The following SOX15 variants were observed in gnomAD, a reference collection of about 807,000 sequenced individuals.
SOX15 encodes transcription factor SOX-15.
Under a neutral mutation model 15.9 loss-of-function variants are expected in SOX15, and 12 were observed. That is an observed-to-expected ratio of 0.75 (90% CI 0.48 to 1.22). SOX15 has a LOEUF of 1.22. Among genes scored for constraint, SOX15 ranks in the 50% most tolerant of loss-of-function variants. The pLI, the probability that SOX15 is intolerant of heterozygous loss-of-function variation, is 0.00. For missense variants in SOX15, 309 were observed against 313.9 expected, an observed-to-expected ratio of 0.98 and a Z score of 0.12; for synonymous variants, 149 against 142.8, an observed-to-expected ratio of 1.04 and a Z score of -0.31.
intron 1 of SOX15, chr17:7,588,892 C>T (rs1232176421): frequency 5.1e-6 from 3 of 589,060 alleles, no homozygotes; most frequent in African/African-American, 1.9e-5. Flanking sequence ...AGGACACAGT[C>T]GCATCCAGGG....
chr17:7,589,046 G>A, intron 1 of SOX15, 98 bp downstream of exon 1: 1 of 1,201,232 alleles, frequency 8.3e-7, no homozygotes, highest in Non-Finnish European at 1.1e-6. Flanking sequence ...AGTGGCCTCT[G>A]CTTGGGTGGG....
Position 7,589,346 on chromosome 17 carries a change from G to C in SOX15, c.331C>G (p.Arg111Gly). The change falls in exon 1 of 2, where the codon CGC becomes GGC. Residue 111 changes from arginine to glycine, a missense_variant. Transcript: ENST00000250055. The stretch of plus-strand genomic sequence containing the variant: ...CGGTACTTGTAGTCGGGGTAGTCGC[G>C]CAGGTGTCGGGCGCGGAGCCGCTTG... Reference protein sequence around the residue: ...EAKRLRARHLRDYPDYKYRPR... With the variant: ...EAKRLRARHLGDYPDYKYRPR... 6.2e-7 allele frequency: 1 copy of C among 1,608,888 alleles called. No individual in the cohort carries two copies. Among genetic ancestry groups the C allele is most frequent in the Non-Finnish European group, 8.5e-7 (1 of 1,177,456 alleles).
rs746823220 is a variant in SOX15, at chr17:7,588,296, G to T, written c.*82C>A. 1.4e-6 allele frequency: 2 copies of T among 1,391,974 alleles called. No individual in the cohort carries two copies. The highest frequency in any genetic ancestry group is 1.2e-5 in the South Asian group (1 of 86,702). The allele number at this position is 1,391,974 out of a possible 1,614,324, so 86.2% of individuals were successfully genotyped here. ...TGAACTGTAGTCCAACAGGAGAAAGGGTTGACAGCCTGGGGTAGGGGATGC... is the reference window on the plus strand; with the variant it reads ...TGAACTGTAGTCCAACAGGAGAAAGTGTTGACAGCCTGGGGTAGGGGATGC... On this transcript the variant is annotated 3_prime_UTR_variant, in exon 2 of 2. Coordinates refer to ENST00000250055, the MANE Select transcript of SOX15 (RefSeq NM_006942.2).
At chr17:7,588,666 G>T (rs546889870) in intron 1 of SOX15, 120 bp from the exon 2 acceptor site, 2 of 1,104,672 alleles carry the variant, frequency 1.8e-6, no homozygotes, top group Admixed American at 1.9e-5. Context: ...AGCCCGCTGG[G>T]CGCAGCAGGC....
chr17:7,589,682 G>A lies in SOX15; in HGVS notation c.-6C>T. 3.9e-6 allele frequency: 6 copies of A among 1,531,842 alleles called. No individual in the cohort carries two copies. The highest frequency in any genetic ancestry group is 5.2e-6 in the Non-Finnish European group (6 of 1,144,480). 94.9% of individuals were successfully genotyped at this position (1,531,842 alleles called of 1,614,324 possible). A position where few individuals can be genotyped will look rare whatever the true frequency, so the allele number is the denominator to read the frequency against. ...GAGGAGCCTGGTAGCGCCATGGGTT[G>A]GGAGAAGCCTTAAGAGGGCGTCCTG... is the stretch of plus-strand genomic sequence containing the variant. On this transcript the variant is annotated 5_prime_UTR_variant, in exon 1 of 2. Transcript: ENST00000250055.
rs141177956 is a variant in SOX15 at position 7,588,506 on chromosome 17, G to A, written c.574C>T (p.Leu192Phe). The A allele has an allele frequency of 9.4e-5, 151 of 1,613,688 alleles. No homozygotes were observed. The highest frequency in any genetic ancestry group is 1.2e-4 in the Non-Finnish European group (139 of 1,179,984). The change falls in exon 2 of 2, where the codon CTC (leucine) becomes TTC (phenylalanine). Residue 192 changes from leucine to phenylalanine, a missense_variant. Coordinates refer to ENST00000250055, the MANE Select transcript of SOX15 (RefSeq NM_006942.2). ...TGGAGCCTAGGGTCACTCTGAGGGA[G>A]GGAGCACGGTGAGGGGGCTTCCAGT... ...CKLEAPSPCS[L>F]PQSDPRLQGE...
At position 7,589,525 on chromosome 17, in the gene SOX15, C is replaced by T; in HGVS notation, c.152G>A (p.Arg51Gln). ...CCACACCATGAACGCGTTCATCGGC[C>T]GCTTCACCTTCTCCAGGGGCAGCGT... ...PGTLPLEKVK[R>Q]PMNAFMVWSS... The change falls in exon 1 of 2, where the codon CGG becomes CAG. Residue 51 changes from arginine to glutamine, a missense_variant. Coordinates refer to ENST00000250055, the MANE Select transcript of SOX15 (RefSeq NM_006942.2). 3 of 1,611,312 alleles carry T rather than the reference C, an allele frequency of 1.9e-6. No individual in the cohort carries two copies. The highest frequency in any genetic ancestry group is 2.5e-6 in the Non-Finnish European group (3 of 1,179,194).
In SOX15 at chr17:7,589,672, G is replaced by A. The variant is rs770904974; in HGVS notation, c.5C>T (p.Ala2Val). Reference protein sequence around the residue: MALPGSSQDQAW... With the variant: MVLPGSSQDQAW... ...CTGGTCCTGTGAGGAGCCTGGTAGC[G>A]CCATGGGTTGGGAGAAGCCTTAAGA... The change falls in exon 1 of 2, where the codon GCG becomes GTG. Residue 2 changes from alanine to valine, a missense_variant. Ala to Val is a moderately conservative substitution (Grantham distance 64). Coordinates refer to ENST00000250055, the MANE Select transcript of SOX15 (RefSeq NM_006942.2). 3.3e-6 allele frequency: 5 copies of A among 1,538,128 alleles called. No homozygotes were observed. In the Admixed American group the frequency reaches 6.0e-5, roughly 19 times the overall value.
In SOX15 at chr17:7,589,579, T is replaced by G; in HGVS notation, c.98A>C (p.Glu33Ala). The change falls in exon 1 of 2, where the codon GAG becomes GCG. Residue 33 changes from glutamate (E) to alanine (A), a missense_variant. Physicochemically the swap from Glu to Ala is moderately radical, Grantham distance 107 (BLOSUM62 -1). Transcript: ENST00000250055. ...GGGGGCCGCGGGGCTCCCAGCGCCC[T>G]CCCGCTCCTGGGGTCCCGAAGATGA... ...ASSSSGPQER[E>A]GAGSPAAPGT... 6.3e-7 allele frequency: 1 copy of G among 1,580,298 alleles called. No individual in the cohort carries two copies. Among genetic ancestry groups the G allele is most frequent in the Non-Finnish European group, 8.6e-7 (1 of 1,165,632 alleles).
intron 1 of SOX15, chr17:7,588,916 C>G (rs1040684939): frequency 3.4e-6 from 2 of 589,590 alleles, no homozygotes; most frequent in Non-Finnish European, 6.0e-6. Flanking sequence ...AGTCACCTGA[C>G]CCTACAGGGC....
At chr17:7,589,122 G>A in intron 1 of SOX15, 22 bp downstream of exon 1, 1 of 1,455,636 alleles carries the variant, frequency 6.9e-7, no homozygotes, top group Non-Finnish European at 9.1e-7. Flanking sequence ...CTCCGTCTTC[G>A]GCCCGCTTCC....
intron 1 of SOX15, 145 bp downstream of exon 1, chr17:7,588,996 CCGG>C: frequency 1.5e-6 from 1 of 689,562 alleles, no homozygotes; most frequent in Non-Finnish European, 2.4e-6. Context: ...TACACAGGCC[CCGG>C]AGGTACTGGG....
Position 7,588,349 on chromosome 17 carries a change from C to A in SOX15, c.*29G>T, listed in dbSNP as rs1399459367. The A allele has an allele frequency of 1.9e-6, 3 of 1,609,586 alleles. No homozygotes were observed. On this transcript the variant is annotated 3_prime_UTR_variant, in exon 2 of 2. Coordinates refer to ENST00000250055, the MANE Select transcript of SOX15 (RefSeq NM_006942.2). ...CTGGATTAAAAAAGGAGGATGAGGC[C>A]CGTCCCGTGAGGTCTGCGTCCATGA...
rs748788245 is a variant in SOX15, at chr17:7,589,390, C to G, written c.287G>C (p.Arg96Pro). ...QWKLLDEDEK[R>P]PFVEEAKRLR... ...CCGCTTGGCCTCCTCCACGAAGGGC[C>G]GCTTCTCGTCCTCGTCCAGCAGCTT... The change falls in exon 1 of 2, where the codon CGG becomes CCG. Residue 96 changes from arginine to proline, a missense_variant. By Grantham distance (103) the Arg-to-Pro change is moderately radical (BLOSUM62 -2). Coordinates refer to ENST00000250055, the MANE Select transcript of SOX15 (RefSeq NM_006942.2). The G allele has an allele frequency of 6.2e-7, 1 of 1,612,820 alleles. No individual in the cohort carries two copies. Among genetic ancestry groups the G allele is most frequent in the Admixed American group, 1.7e-5 (1 of 59,676 alleles).
In SOX15 at chr17:7,589,341, G is replaced by A; in HGVS notation, c.336C>T (p.Asp112=). The change falls in exon 1 of 2, where the codon GAC becomes GAT. Residue 112 remains aspartate, a synonymous_variant. Coordinates refer to ENST00000250055, the MANE Select transcript of SOX15 (RefSeq NM_006942.2). ...GAGGCCGGTACTTGTAGTCGGGGTAGTCGCGCAGGTGTCGGGCGCGGAGCC... is the reference window on the plus strand; with the variant it reads ...GAGGCCGGTACTTGTAGTCGGGGTAATCGCGCAGGTGTCGGGCGCGGAGCC... The part of the protein sequence containing the change: ...AKRLRARHLR[D]YPDYKYRPRR... 6.2e-7 allele frequency: 1 copy of A among 1,608,716 alleles called. No individual in the cohort carries two copies. The highest frequency in any genetic ancestry group is 8.5e-7 in the Non-Finnish European group (1 of 1,177,370).
rs1340360914 is a variant in SOX15 at position 7,588,429 on chromosome 17, A to G, written c.651T>C (p.Thr217=). 2.5e-6 allele frequency: 4 copies of G among 1,613,442 alleles called. No individual in the cohort carries two copies. The highest frequency in any genetic ancestry group is 2.5e-6 in the Non-Finnish European group (3 of 1,179,748). Residue 217 remains threonine, a synonymous_variant, in exon 2 of 2, where the codon ACT becomes ACC. Coordinates refer to ENST00000250055, the MANE Select transcript of SOX15 (RefSeq NM_006942.2). Reference sequence around the variant, plus strand: ...CACCAGCAAGGGGAGGGTTGTATGGAGTGGGAGAGCCAGGGGGCAGGTAGT... The same window carrying G: ...CACCAGCAAGGGGAGGGTTGTATGGGGTGGGAGAGCCAGGGGGCAGGTAGT... The part of the protein sequence containing the change: ...YTHYLPPGSP[T]PYNPPLAGAP...
chr17:7,588,684 C>G, intron 1 of SOX15, 138 bp from the exon 2 acceptor site: 1 of 947,274 alleles, frequency 1.1e-6, no homozygotes, highest in South Asian at 1.4e-5. Flanking sequence ...GGCATGGAAG[C>G]CGACCCCGGG....
At position 7,589,699 on chromosome 17, in the gene SOX15, G is replaced by A; in HGVS notation, c.-23C>T. On this transcript the variant is annotated 5_prime_UTR_variant, in exon 1 of 2. Transcript: ENST00000250055. ...CATGGGTTGGGAGAAGCCTTAAGAG[G>A]GCGTCCTGAATGCCCTCCCCTCAAC... 2.0e-6 allele frequency: 3 copies of A among 1,513,288 alleles called. No individual in the cohort carries two copies. The East Asian group carries it at 7.4e-5, about 37-fold the overall frequency. The allele number at this position is 1,513,288 out of a possible 1,614,324, so 93.7% of individuals were successfully genotyped here. A position where few individuals can be genotyped will look rare whatever the true frequency, so the allele number is the denominator to read the frequency against.
intron 1 of SOX15, 27 bp from the exon 2 acceptor site, chr17:7,588,573 G>A (rs1177741964): frequency 1.1e-5 from 18 of 1,610,406 alleles, no homozygotes; most frequent in East Asian, 2.2e-5. Context: ...GAGGTTAGAG[G>A]GCACTTCCCT....
Sources: gnomAD v4.1 joint callset for allele counts on GRCh38, gnomAD v4.1.1 for gene constraint, MANE v1.5 for transcripts, NCBI Gene and HGNC (gene_info 2026-07-23, HGNC 2026-07-21) for gene names.